The following DAB1 variants were observed in gnomAD, a reference collection of about 807,000 sequenced individuals.
DAB1 encodes DAB adaptor protein 1.
DAB1 carries 15 observed loss-of-function variants against 64.6 expected under a neutral mutation model. The ratio of observed to expected loss-of-function variants is 0.23; its 90% CI spans 0.16 to 0.36. DAB1 has a LOEUF of 0.36. DAB1 is among the 10% of genes least tolerant of loss of function. DAB1 has a pLI of 1.00. For missense variants in DAB1, 596 were observed against 706.7 expected, an observed-to-expected ratio of 0.84 and a Z score of 1.78; for synonymous variants, 235 against 251.9, an observed-to-expected ratio of 0.93 and a Z score of 0.64.
rs533772444 is a variant in DAB1, at chr1:57,173,024, C to T, written c.68-27595G>A. Among the ~76,000 whole-genome samples, 5 of 152,136 alleles carry T rather than the reference C, an allele frequency of 3.3e-5. No individual in the cohort carries two copies. In the South Asian group the frequency reaches 6.2e-4, roughly 19 times the overall value. ...CTAGTCTACCTGTTGCCACTGACAA[C>T]AATTATGAAGTATTAGTCCTTCATA... is the stretch of plus-strand genomic sequence containing the variant. On this transcript the variant is annotated intron_variant, in intron 2 of 14. Coordinates refer to ENST00000371236, the MANE Select transcript of DAB1 (RefSeq NM_001365792.1).
chr1:57,713,369 C>G (rs1232508110), intron 6 of DAB1, among the ~76,000 whole-genome samples: 1 of 152,144 alleles, frequency 6.6e-6, no homozygotes, highest in African/African-American at 2.4e-5. Context: ...TGATAGGTTA[C>G]ATGGTACAAG....
At chr1:57,342,809 G>A (rs571434442) in intron 1 of DAB1, among the ~76,000 whole-genome samples, 2 of 149,796 alleles carry the variant, frequency 1.3e-5, no homozygotes, top group East Asian at 1.9e-4. Flanking sequence ...AAGGAGGCGT[G>A]TCTGGAGTTG....
intron 4 of DAB1, among the ~76,000 whole-genome samples, chr1:57,129,755 T>A (rs1657485770): frequency 6.6e-6 from 1 of 152,120 alleles, no homozygotes; most frequent in African/African-American, 2.4e-5. Context: ...CCTGATATCC[T>A]ATGACTAGAT....
chr1:56,997,415 A>G lies in DAB1; in HGVS notation c.*729T>C, dbSNP rs1056054144. 1 of 152,222 alleles carries G rather than the reference A, an allele frequency of 6.6e-6. No individual in the cohort carries two copies. The highest frequency in any genetic ancestry group is 6.5e-5 in the Admixed American group (1 of 15,288). 9.4% of individuals were successfully genotyped at this position (152,222 alleles called of 1,614,324 possible). On this transcript the variant is annotated 3_prime_UTR_variant, in exon 15 of 15. Coordinates refer to ENST00000371236, the MANE Select transcript of DAB1 (RefSeq NM_001365792.1). ...TGTTTTGGCAACATTCGTGATCATA[A>G]TGAATAATCAACCACTTATTTGTCT... is the stretch of plus-strand genomic sequence containing the variant.
intron 6 of DAB1, among the ~76,000 whole-genome samples, chr1:57,662,357 C>A (rs767460129): frequency 1.3e-5 from 2 of 151,966 alleles, no homozygotes; most frequent in Non-Finnish European, 2.9e-5. Flanking sequence ...CCACCACGCC[C>A]GGCTAATTTT....
chr1:57,111,055 G>A (rs1413845626), intron 4 of DAB1, among the ~76,000 whole-genome samples: 1 of 152,090 alleles, frequency 6.6e-6, no homozygotes, highest in South Asian at 2.1e-4. Context: ...AAGGGAGTGA[G>A]GGAAAGAAGA....
intron 1 of DAB1, among the ~76,000 whole-genome samples, chr1:57,322,045 A>G (rs1352809404): frequency 6.6e-6 from 1 of 152,070 alleles, no homozygotes; most frequent in Admixed American, 6.6e-5. Context: ...CATGAATCCC[A>G]CTGGCCCTAG....
chr1:57,788,199 A>G (rs905405194), intron 6 of DAB1, among the ~76,000 whole-genome samples: 1 of 152,160 alleles, frequency 6.6e-6, no homozygotes, highest in Non-Finnish European at 1.5e-5. Context: ...AGTCCACACA[A>G]AGACTTGTAC....
At chr1:58,427,429 G>T (rs552034632) in intron 3 of DAB1, among the ~76,000 whole-genome samples, 1 of 152,184 alleles carries the variant, frequency 6.6e-6, no homozygotes, top group Non-Finnish European at 1.5e-5. Flanking sequence ...TTACTGAGAA[G>T]ACTGTAGGGA....
chr1:58,504,656 G>A lies in DAB1; in HGVS notation n.257+1404C>T, dbSNP rs551376553. Among the ~76,000 whole-genome samples, 8 of 152,274 alleles carry A rather than the reference G, an allele frequency of 5.3e-5. No individual in the cohort carries two copies. In the South Asian group the frequency reaches 1.7e-3, roughly 32 times the overall value. Reference sequence around the variant, plus strand: ...CCCAGCAATAGAACACAGAATAGTAGATTAATCAATAAGTATCAATAAATA... The same window carrying A: ...CCCAGCAATAGAACACAGAATAGTAAATTAATCAATAAGTATCAATAAATA... On this transcript the variant is annotated intron_variant and non_coding_transcript_variant, in intron 3 of 20. Transcript: ENST00000485760.
At chr1:57,371,081 A>T (rs1026114901) in intron 1 of DAB1, among the ~76,000 whole-genome samples, 1 of 152,192 alleles carries the variant, frequency 6.6e-6, no homozygotes, top group Non-Finnish European at 1.5e-5. Flanking sequence ...GGCTATATGC[A>T]CAGCTGTGGT....
chr1:57,053,494 C>T (rs1649398462), intron 9 of DAB1, among the ~76,000 whole-genome samples: 1 of 151,450 alleles, frequency 6.6e-6, no homozygotes, highest in African/African-American at 2.4e-5. Context: ...GAGATCCTCC[C>T]ACCTCCACCT....
At chr1:57,097,027 A>G (rs1654229287) in intron 4 of DAB1, among the ~76,000 whole-genome samples, 1 of 152,112 alleles carries the variant, frequency 6.6e-6, no homozygotes, top group South Asian at 2.1e-4. Context: ...AGGCAGGGGT[A>G]ATAGGGCTTT....
chr1:58,403,842 A>C lies in DAB1; in HGVS notation n.258-60439T>G, dbSNP rs1644593344. Reference sequence around the variant, plus strand: ...GCATTCACACACACACATGACTTGAACAGGCATAAGTCACTAAACAGGATT... The same window carrying C: ...GCATTCACACACACACATGACTTGACCAGGCATAAGTCACTAAACAGGATT... On this transcript the variant is annotated intron_variant and non_coding_transcript_variant, in intron 3 of 20. Coordinates refer to the DAB1 transcript ENST00000485760. Among the ~76,000 whole-genome samples, 2 of 152,240 alleles carry C rather than the reference A, an allele frequency of 1.3e-5. 1 individual carries two copies. The highest frequency in any genetic ancestry group is 4.1e-4 in the South Asian group (2 of 4,834).
chr1:57,083,476 T>G (rs915280607), intron 4 of DAB1, among the ~76,000 whole-genome samples: 4 of 152,150 alleles, frequency 2.6e-5, no homozygotes, highest in Non-Finnish European at 1.5e-5. Flanking sequence ...AGAAAGCAGG[T>G]AAATGAATGC....
At chr1:57,619,328 G>A (rs1645828002) in intron 7 of DAB1, among the ~76,000 whole-genome samples, 1 of 152,198 alleles carries the variant, frequency 6.6e-6, no homozygotes, top group Admixed American at 6.5e-5. Context: ...CCTGGTACAT[G>A]ACAACGCTGT....
chr1:57,721,634 G>A (rs1416533387), intron 6 of DAB1, among the ~76,000 whole-genome samples: 1 of 152,198 alleles, frequency 6.6e-6, no homozygotes, highest in African/African-American at 2.4e-5. Context: ...TCTGAATCCA[G>A]GCTCTTAGCC....
At chr1:57,846,529 T>C (rs1268650229) in intron 1 of DAB1, among the ~76,000 whole-genome samples, 1 of 152,090 alleles carries the variant, frequency 6.6e-6, no homozygotes, top group Non-Finnish European at 1.5e-5. Context: ...GTTCACTTAT[T>C]AAAAATACAT....
At chr1:57,389,635 G>A (rs1245270767) in intron 1 of DAB1, among the ~76,000 whole-genome samples, 2 of 152,156 alleles carry the variant, frequency 1.3e-5, no homozygotes, top group African/African-American at 4.8e-5. Flanking sequence ...ATAAATGGAG[G>A]GAAGGAGAAA....
Sources: gnomAD v4.1 joint callset for allele counts (sites outside exome capture counted in the v4.1 genomes callset) on GRCh38, gnomAD v4.1.1 for gene constraint, MANE v1.5 for transcripts, NCBI Gene and HGNC (gene_info 2026-07-23, HGNC 2026-07-21) for gene names.